The following LRIF1 variants were observed in gnomAD, a reference collection of about 807,000 sequenced individuals.
LRIF1 encodes ligand dependent nuclear receptor interacting factor 1.
In LRIF1, 32 loss-of-function variants were observed where a neutral mutation model predicts 52.7. That is an observed-to-expected ratio of 0.61 (90% CI 0.46 to 0.82). LRIF1 has a LOEUF of 0.82. Ranked by LOEUF, LRIF1 falls within the 40% of genes least tolerant of loss-of-function variation. The probability of loss-of-function intolerance (pLI) is 0.00; values close to 1 mark genes in which losing one functional copy is unlikely to be tolerated. For missense variants in LRIF1, 887 were observed against 892.0 expected, an observed-to-expected ratio of 0.99 and a Z score of 0.07; for synonymous variants, 323 against 317.4, an observed-to-expected ratio of 1.02 and a Z score of -0.19.
the LRIF1 span, chr1:110,894,457 G>A: frequency 7.6e-7 from 1 of 1,319,388 alleles, no homozygotes; most frequent in African/African-American, 1.4e-5. Flanking sequence ...GGAGTATGCA[G>A]TGGAGAAGTT....
the LRIF1 span, among the ~76,000 whole-genome samples, chr1:110,912,108 A>G: frequency 6.6e-6 from 1 of 152,262 alleles, no homozygotes; most frequent in Non-Finnish European, 1.5e-5. Flanking sequence ...AAAAATTCAT[A>G]GTCTCTGCCC....
the LRIF1 span, among the ~76,000 whole-genome samples, chr1:110,875,988 G>A: frequency 6.6e-6 from 1 of 152,190 alleles, no homozygotes; most frequent in Non-Finnish European, 1.5e-5. Flanking sequence ...GCATCAATAT[G>A]TCATAGCTCT....
At chr1:110,879,491 G>T in the LRIF1 span, among the ~76,000 whole-genome samples, 1 of 150,620 alleles carries the variant, frequency 6.6e-6, no homozygotes, top group Non-Finnish European at 1.5e-5. Flanking sequence ...TAGGTTTGTA[G>T]TTATATAAAC....
chr1:110,948,405 A>G lies in LRIF1; in HGVS notation c.1870-6T>C. ...CTTTTCTTATCAAAATTCTGCTGCA[A>G]TATTGAATAACATTCCAAAACAAAA... is the stretch of plus-strand genomic sequence containing the variant. On this transcript the variant is annotated splice_polypyrimidine_tract_variant and splice_region_variant and intron_variant, in intron 3 of 3. Transcript: ENST00000369763. 1 of 1,603,304 alleles carries G rather than the reference A, an allele frequency of 6.2e-7. No homozygotes were observed.
chr1:110,882,945 A>T, the LRIF1 span, among the ~76,000 whole-genome samples: 1 of 152,034 alleles, frequency 6.6e-6, no homozygotes, highest in Admixed American at 6.5e-5. Context: ...TGTTAGTTCT[A>T]GTAGTATTTT....
At chr1:110,896,653 C>G in the LRIF1 span, 9 of 1,611,898 alleles carry the variant, frequency 5.6e-6, no homozygotes, top group African/African-American at 1.1e-4. Context: ...TGGCTTTTAG[C>G]TGCAGTGTTG....
chr1:110,891,635 C>T, the LRIF1 span, among the ~76,000 whole-genome samples: 4 of 152,170 alleles, frequency 2.6e-5, no homozygotes, highest in Non-Finnish European at 4.4e-5. Flanking sequence ...TCCCCTCTTC[C>T]TGCCACAGAA....
At chr1:110,901,482 T>TTTC in the LRIF1 span, among the ~76,000 whole-genome samples, 1 of 147,738 alleles carries the variant, frequency 6.8e-6, no homozygotes, top group African/African-American at 2.5e-5. Context: ...CCGGCCTTTT[T>TTTC]TTTTTTTTTT....
downstream of LRIF1, among the ~76,000 whole-genome samples, chr1:110,946,594 T>C (rs889631659): frequency 6.8e-6 from 1 of 146,896 alleles, no homozygotes; most frequent in Admixed American, 7.0e-5. Flanking sequence ...TACTCTTTTG[T>C]TGCCATTGCA....
chr1:110,928,629 T>G, the LRIF1 span, among the ~76,000 whole-genome samples: 1 of 152,076 alleles, frequency 6.6e-6, no homozygotes, highest in African/African-American at 2.4e-5. Flanking sequence ...GAATACGAGA[T>G]TCTAAGAAGC....
Position 110,952,317 on chromosome 1 carries a change from G to A in LRIF1, c.567C>T (p.Ala189=). 1.2e-6 allele frequency: 2 copies of A among 1,614,070 alleles called. No individual in the cohort carries two copies. The highest frequency in any genetic ancestry group is 3.3e-4 in the Middle Eastern group (2 of 6,062). Residue 189 remains alanine (A), a synonymous_variant, in exon 2 of 4, where the codon GCC becomes GCT. Transcript: ENST00000369763. ...LPSGHHLQIP[A]HAEVKSVPAS... ...CTGGTACAGATTTCACTTCAGCATG[G>A]GCTGGAATCTGTAAATGATGCCCAG...
the LRIF1 span, chr1:110,897,829 A>T: frequency 1.2e-6 from 2 of 1,610,752 alleles, no homozygotes; most frequent in Non-Finnish European, 1.7e-6. Context: ...CGAAAGCAAG[A>T]CTGTGGTTTC....
chr1:110,958,017 G>A (rs1324719485), intron 1 of LRIF1, among the ~76,000 whole-genome samples: 1 of 152,038 alleles, frequency 6.6e-6, no homozygotes, highest in Non-Finnish European at 1.5e-5. Flanking sequence ...TTGTTTTTCT[G>A]ATTGCAGCCA....
the LRIF1 span, among the ~76,000 whole-genome samples, chr1:110,878,383 G>A: frequency 6.6e-6 from 1 of 151,976 alleles, no homozygotes; most frequent in African/African-American, 2.4e-5. Flanking sequence ...ATAGGGAGCC[G>A]TAATTACCTT....
chr1:110,884,427 G>A, the LRIF1 span, among the ~76,000 whole-genome samples: 1 of 152,088 alleles, frequency 6.6e-6, no homozygotes, highest in Admixed American at 6.5e-5. Flanking sequence ...ACCTTGAAAA[G>A]AATGTATGTT....
the LRIF1 span, among the ~76,000 whole-genome samples, chr1:110,909,650 G>A: frequency 6.9e-6 from 1 of 145,138 alleles, no homozygotes; most frequent in African/African-American, 2.6e-5. Context: ...GCGCGATCTC[G>A]GCTTACCGCA....
At chr1:110,901,712 A>G in the LRIF1 span, among the ~76,000 whole-genome samples, 453 of 151,470 alleles carry the variant, frequency 3.0e-3, 1 homozygote, top group African/African-American at 0.011. Context: ...CTGACCTTAG[A>G]TGATCCACCT....
the LRIF1 span, among the ~76,000 whole-genome samples, chr1:110,906,425 TCCCAG>T: frequency 1.3e-5 from 2 of 152,058 alleles, no homozygotes; most frequent in African/African-American, 4.8e-5. Context: ...ATGCCTGTAG[TCCCAG>T]CTCTTCAGGA....
At chr1:110,895,155 G>T in the LRIF1 span, 1 of 846,756 alleles carries the variant, frequency 1.2e-6, no homozygotes, top group Non-Finnish European at 2.0e-6. Flanking sequence ...CAGAATCTAA[G>T]GTCCACATCC....
Sources: allele counts gnomAD v4.1 joint callset (sites outside exome capture counted in the v4.1 genomes callset), GRCh38; gene constraint gnomAD v4.1.1; transcripts MANE v1.5; gene names NCBI Gene and HGNC (gene_info 2026-07-23, HGNC 2026-07-21).